The following TCP11L2 variants were observed in gnomAD, a reference collection of about 807,000 sequenced individuals.
TCP11L2 encodes t-complex 11 like 2, also known as T-complex protein 11-like protein 2.
In TCP11L2, 39 loss-of-function variants were observed where a neutral mutation model predicts 50.7. That is an observed-to-expected ratio of 0.77 (90% CI 0.60 to 1.01). The LOEUF is 1.01. Among genes scored for constraint, TCP11L2 ranks in the 50% least tolerant of loss-of-function variants. TCP11L2 has a pLI of 0.00. For missense variants in TCP11L2, 612 were observed against 614.7 expected, an observed-to-expected ratio of 1.00 and a Z score of 0.05; for synonymous variants, 192 against 219.3, an observed-to-expected ratio of 0.88 and a Z score of 1.10.
intron 1 of TCP11L2, among the ~76,000 whole-genome samples, chr12:106,306,520 T>G (rs2034639208): frequency 6.6e-6 from 1 of 152,254 alleles, no homozygotes; most frequent in Non-Finnish European, 1.5e-5. Context: ...TGACTGATAC[T>G]GTCCTTTACA....
rs1206063100 is a variant in TCP11L2, at chr12:106,346,517, C to G, written c.1547C>G (p.Pro516Arg). ...GCCATGGGGAAGGTAGATGCTTCAC[C>G]TCCTACTAACTAAAGAAGAACTGAC... ...EEAMGKVDAS[P>R]PTN The change falls in exon 10 of 10, where the codon CCT (proline) becomes CGT (arginine). Residue 516 changes from proline (P) to arginine (R), a missense_variant. Pro to Arg is a moderately radical substitution (Grantham distance 103). Transcript: ENST00000299045. 6.2e-7 allele frequency: 1 copy of G among 1,611,880 alleles called. No homozygotes were observed. The highest frequency in any genetic ancestry group is 2.2e-5 in the East Asian group (1 of 44,870).
upstream of TCP11L2, among the ~76,000 whole-genome samples, chr12:106,301,098 T>G (rs1365610453): frequency 6.6e-6 from 1 of 152,222 alleles, no homozygotes; most frequent in African/African-American, 2.4e-5. Flanking sequence ...GGTTGTCATT[T>G]GGCAGGAATT....
chr12:106,316,766 G>A lies in TCP11L2; in HGVS notation c.294-1578G>A, dbSNP rs376912391. On this transcript the variant is annotated intron_variant, in intron 3 of 9. Transcript: ENST00000299045. ...TGAGGTCAGAGACTTTCTTTTCACT[G>A]TAGTATTCCCAGTTCCTAAAACAGG... Among the ~76,000 whole-genome samples the A allele has an allele frequency of 1.0e-3, 159 of 152,142 alleles. 4 individuals are homozygous for A. In the East Asian group the frequency reaches 0.017, roughly 16 times the overall value.
In TCP11L2 at chr12:106,314,591, GAGAGAGAGAGAC is replaced by G. The variant is rs1230723853; in HGVS notation, c.293+110_293+121del. Reference sequence around the variant, plus strand: ...TGTGTGTGTGTGAGAGAGAGAGAGAGAGAGAGAGAGACAGAGAGAGAGATAGACACATATTTA... The same window carrying G: ...TGTGTGTGTGTGAGAGAGAGAGAGAGAGAGAGAGAGATAGACACATATTTA... On this transcript the variant is annotated intron_variant, in intron 3 of 9. Transcript: ENST00000299045. The G allele has an allele frequency of 5.8e-4, 568 of 982,810 alleles. 3 individuals are homozygous for G. The African/African-American group carries it at 8.6e-3, about 15-fold the overall frequency. 60.9% of individuals were successfully genotyped at this position (982,810 alleles called of 1,614,324 possible).
chr12:106,302,391 C>G (rs1254829436), upstream of TCP11L2, among the ~76,000 whole-genome samples: 2 of 92,136 alleles, frequency 2.2e-5, no homozygotes, highest in African/African-American at 5.3e-5. Context: ...GCTCAGCCCC[C>G]GCTCAGCCCC....
chr12:106,329,599 CT>C, intron 6 of TCP11L2: 1 of 1,359,118 alleles, frequency 7.4e-7, no homozygotes, highest in Non-Finnish European at 9.5e-7. Flanking sequence ...CCCATGAACT[CT>C]TTTTTTCCTT....
chr12:106,319,119 G>A (rs1250007642), intron 4 of TCP11L2, among the ~76,000 whole-genome samples: 2 of 152,010 alleles, frequency 1.3e-5, no homozygotes, highest in Non-Finnish European at 2.9e-5. Context: ...CACCTTGTTA[G>A]CCAGGATGGT....
At chr12:106,306,864 C>T (rs1173456415) in intron 1 of TCP11L2, among the ~76,000 whole-genome samples, 1 of 152,168 alleles carries the variant, frequency 6.6e-6, no homozygotes, top group Non-Finnish European at 1.5e-5. Flanking sequence ...GAACCCAGTC[C>T]ACCTAGCTCC....
chr12:106,345,417 G>A (rs1296430225), intron 9 of TCP11L2, among the ~76,000 whole-genome samples: 1 of 152,170 alleles, frequency 6.6e-6, no homozygotes, highest in African/African-American at 2.4e-5. Context: ...CCCTTGCCAT[G>A]TGGTAATTTG....
intron 1 of TCP11L2, among the ~76,000 whole-genome samples, chr12:106,306,220 A>G (rs1592923251): frequency 6.6e-6 from 1 of 152,356 alleles, no homozygotes; most frequent in East Asian, 1.9e-4. Flanking sequence ...TCAGCCTGTC[A>G]TCTTCTCTTT....
intron 1 of TCP11L2, chr12:106,307,325 G>A (rs2034673653): frequency 6.6e-6 from 1 of 152,132 alleles, no homozygotes; most frequent in South Asian, 2.1e-4. Flanking sequence ...GTCATCTTCA[G>A]TCTTTTCTGT....
chr12:106,317,829 T>G (rs1439695620), intron 3 of TCP11L2, among the ~76,000 whole-genome samples: 1 of 152,246 alleles, frequency 6.6e-6, no homozygotes, highest in African/African-American at 2.4e-5. Context: ...ATTATTCTAT[T>G]GTGAGCTCTT....
At chr12:106,336,268 C>A in intron 8 of TCP11L2, 55 bp downstream of exon 8, 1 of 1,492,018 alleles carries the variant, frequency 6.7e-7, no homozygotes, top group Non-Finnish European at 9.1e-7. Flanking sequence ...CTGCATGTGT[C>A]TCAGAGAACA....
chr12:106,330,440 G>A (rs1401616892), intron 6 of TCP11L2: 9 of 379,898 alleles, frequency 2.4e-5, no homozygotes, highest in Non-Finnish European at 2.9e-5. Flanking sequence ...AGGGCAGGGC[G>A]GGAGGCTGAG....
chr12:106,341,118 A>G (rs2036083322), intron 9 of TCP11L2, 120 bp downstream of exon 9: 1 of 799,134 alleles, frequency 1.3e-6, no homozygotes. Context: ...GAGGATAAAT[A>G]TTGAAAATAT....
upstream of TCP11L2, among the ~76,000 whole-genome samples, chr12:106,300,175 T>G (rs534053174): frequency 4.6e-5 from 7 of 151,290 alleles, no homozygotes; most frequent in African/African-American, 9.8e-5. Context: ...TTTTGTTGTT[T>G]TTTTTTTTTC....
intron 4 of TCP11L2, among the ~76,000 whole-genome samples, chr12:106,319,121 C>T (rs1285773227): frequency 1.3e-5 from 2 of 152,118 alleles, no homozygotes; most frequent in Admixed American, 6.5e-5. Context: ...CCTTGTTAGC[C>T]AGGATGGTCT....
chr12:106,300,686 A>C (rs575072578), upstream of TCP11L2, among the ~76,000 whole-genome samples: 1 of 152,324 alleles, frequency 6.6e-6, no homozygotes, highest in African/African-American at 2.4e-5. Context: ...AATTCACAGA[A>C]GGGTTTTCAG....
intron 6 of TCP11L2, among the ~76,000 whole-genome samples, chr12:106,326,535 T>A (rs1565852197): frequency 6.6e-6 from 1 of 152,222 alleles, no homozygotes; most frequent in Non-Finnish European, 1.5e-5. Context: ...TATGAGCACT[T>A]ACTACATGCT....
Sources: gnomAD v4.1 joint callset for allele counts (sites outside exome capture counted in the v4.1 genomes callset) on GRCh38, gnomAD v4.1.1 for gene constraint, MANE v1.5 for transcripts, NCBI Gene and HGNC (gene_info 2026-07-23, HGNC 2026-07-21) for gene names.